GPR26: variants seen among roughly 807,000 people sequenced by gnomAD.
GPR26 encodes G protein-coupled receptor 26.
A neutral mutation model predicts 23.1 loss-of-function variants in GPR26; 15 were observed. The ratio of observed to expected loss-of-function variants is 0.65; its 90% CI spans 0.43 to 1.00. The LOEUF is 1.00. Among genes scored for constraint, GPR26 ranks in the 50% least tolerant of loss-of-function variants. The pLI is 0.00. For missense variants in GPR26, 359 were observed against 470.5 expected (o/e 0.76, Z 2.19); for synonymous variants, 228 against 222.1 (o/e 1.03, Z -0.24).
chr10:123,672,720 C>T (rs370434609), intron 1 of GPR26, among the ~76,000 whole-genome samples: 27 of 152,252 alleles, frequency 1.8e-4, no homozygotes, highest in East Asian at 1.4e-3. Flanking sequence ...CCTAGAGTGA[C>T]GAACCGTCCT....
intron 2 of GPR26, among the ~76,000 whole-genome samples, chr10:123,680,808 TTGTTTTG>T (rs1477799131): frequency 9.5e-5 from 6 of 63,460 alleles, no homozygotes; most frequent in Admixed American, 3.1e-4. Context: ...TGGGTTTTTT[TTGTTTTG>T]TTTTGTTTTT....
rs1589932218 is a variant in GPR26, at chr10:123,689,219, A to G, written c.*1059A>G. 3 of 151,810 alleles carry G rather than the reference A, an allele frequency of 2.0e-5. No homozygotes were observed. Among genetic ancestry groups the G allele is most frequent in the Admixed American group, 2.0e-4 (3 of 15,196 alleles). The allele number at this position is 151,810 out of a possible 1,614,324, so 9.4% of individuals were successfully genotyped here. ...AAGTAGAGGCTATTCAAGGTTATCA[A>G]GAAAGTGCCCTGTGCTAATGATGAG... On this transcript the variant is annotated 3_prime_UTR_variant, in exon 3 of 3. Transcript: ENST00000284674.
In GPR26 at chr10:123,688,626, C is replaced by G; in HGVS notation, c.*466C>G. ...CAGTGGTCATTTGGCCCGGATCTAA[C>G]ATGGCACCTCGTCTCCACAGGGTAG... On this transcript the variant is annotated 3_prime_UTR_variant, in exon 3 of 3. Transcript: ENST00000284674. The G allele has an allele frequency of 2.1e-5, 4 of 186,218 alleles. No homozygotes were observed. The highest frequency in any genetic ancestry group is 1.2e-4 in the South Asian group (1 of 8,266). The allele number at this position is 186,218 out of a possible 1,614,324, so 11.5% of individuals were successfully genotyped here.
At chr10:123,686,474 G>T (rs1845431412) in intron 2 of GPR26, among the ~76,000 whole-genome samples, 1 of 152,182 alleles carries the variant, frequency 6.6e-6, no homozygotes, top group Non-Finnish European at 1.5e-5. Flanking sequence ...GGTAGACAGT[G>T]GTGCTGAAAA....
intron 1 of GPR26, among the ~76,000 whole-genome samples, chr10:123,672,937 A>G (rs1262264422): frequency 6.6e-6 from 1 of 152,188 alleles, no homozygotes; most frequent in Non-Finnish European, 1.5e-5. Flanking sequence ...AATGGGGACC[A>G]TGATGATATC....
chr10:123,681,675 G>A (rs1008782454), intron 2 of GPR26, among the ~76,000 whole-genome samples: 3 of 152,312 alleles, frequency 2.0e-5, no homozygotes, highest in Middle Eastern at 3.4e-3. Flanking sequence ...CTGGCTGGGC[G>A]GGGGATTCCC....
chr10:123,674,257 C>T lies in GPR26; in HGVS notation c.669-561C>T, dbSNP rs112052775. Among the ~76,000 whole-genome samples the T allele has an allele frequency of 2.2e-4, 21 of 96,712 alleles. No individual in the cohort carries two copies. The highest frequency in any genetic ancestry group is 1.4e-3 in the East Asian group (3 of 2,210). The allele number at this position is 96,712 out of a possible 152,430, so 63.4% of individuals were successfully genotyped here. ...ACAGGTGTGAGCCACTGTGCCAGGC[C>T]GAGCTCATGGTTTTTCATTGTAAAC... is the stretch of plus-strand genomic sequence containing the variant. On this transcript the variant is annotated intron_variant, in intron 1 of 2. Transcript: ENST00000284674. The surrounding 1 kb of genome is among the most constrained non-coding windows in gnomAD (Gnocchi z 4.1).
Position 123,693,136 on chromosome 10 carries a change from T to C in GPR26, c.*4976T>C, listed in dbSNP as rs143496687. On this transcript the variant is annotated 3_prime_UTR_variant, in exon 3 of 3. Transcript: ENST00000284674. Reference sequence around the variant, plus strand: ...GTTGGGACCTCTCCCGTCATATGGCTGCCACTTGCTTGGGAAGGAATTCTC... The same window carrying C: ...GTTGGGACCTCTCCCGTCATATGGCCGCCACTTGCTTGGGAAGGAATTCTC... The C allele has an allele frequency of 6.6e-6, 1 of 152,354 alleles. No individual in the cohort carries two copies. Among genetic ancestry groups the C allele is most frequent in the Non-Finnish European group, 1.5e-5 (1 of 68,066 alleles). 9.4% of individuals were successfully genotyped at this position (152,354 alleles called of 1,614,324 possible).
intron 2 of GPR26, among the ~76,000 whole-genome samples, chr10:123,675,832 A>ATGTGTGTG (rs1564731113): frequency 2.2e-5 from 1 of 45,348 alleles, no homozygotes; most frequent in African/African-American, 8.7e-5. Context: ...GTGTGTGTGT[A>ATGTGTGTG]CGTGTGTGTG....
intron 2 of GPR26, among the ~76,000 whole-genome samples, chr10:123,686,796 G>A (rs970106845): frequency 1.3e-5 from 2 of 152,182 alleles, no homozygotes; most frequent in African/African-American, 2.4e-5. Flanking sequence ...TACAGGTGCT[G>A]CACCTTCCAT....
chr10:123,687,949 C>T lies in GPR26; in HGVS notation c.803C>T (p.Thr268Met), dbSNP rs372084986. Residue 268 changes from threonine to methionine, a missense_variant, in exon 3 of 3, where the codon ACG becomes ATG. Transcript: ENST00000284674. ...VITRLVELFS[T>M]VPIGSHWGVL... The stretch of plus-strand genomic sequence containing the variant: ...CACAGGCTAGTGGAGCTCTTCTCCA[C>T]GGTGCCCATCGGCTCCCACTGGGGG... 212 of 1,611,536 alleles carry T rather than the reference C, an allele frequency of 1.3e-4. No individual in the cohort carries two copies. Among genetic ancestry groups the T allele is most frequent in the Non-Finnish European group, 1.6e-4 (193 of 1,177,974 alleles).
intron 2 of GPR26, among the ~76,000 whole-genome samples, chr10:123,679,200 T>C (rs1417970221): frequency 6.6e-6 from 1 of 152,172 alleles, no homozygotes; most frequent in Non-Finnish European, 1.5e-5. Context: ...GCCATGGGTT[T>C]TGGAGGCAAA....
chr10:123,696,157 T>C lies in GPR26; in HGVS notation c.*7997T>C, dbSNP rs147452176. The stretch of plus-strand genomic sequence containing the variant: ...AGATCTCTCCTTCTGCCATAGTATG[T>C]CGTGTGTAGTGGATGCCAGTAGACA... On this transcript the variant is annotated 3_prime_UTR_variant, in exon 3 of 3. Transcript: ENST00000284674. Among the ~76,000 whole-genome samples the C allele has an allele frequency of 6.6e-6, 1 of 152,312 alleles. No individual in the cohort carries two copies. The highest frequency in any genetic ancestry group is 2.4e-5 in the African/African-American group (1 of 41,578).
rs1845286366 is a variant in GPR26, at chr10:123,674,653, G to A, written c.669-165G>A. On this transcript the variant is annotated intron_variant, in intron 1 of 2. Coordinates refer to ENST00000284674, the MANE Select transcript of GPR26 (RefSeq NM_153442.4). The surrounding 1 kb of genome is among the most constrained non-coding windows in gnomAD (Gnocchi z 4.1). Reference sequence around the variant, plus strand: ...CCTTGAGGCTTAGTAATGTCACACTGCTTGCCCAAGGTCAATAGCTACAGC... The same window carrying A: ...CCTTGAGGCTTAGTAATGTCACACTACTTGCCCAAGGTCAATAGCTACAGC... Among the ~76,000 whole-genome samples, 1 of 152,174 alleles carries A rather than the reference G, an allele frequency of 6.6e-6. No homozygotes were observed. The highest frequency in any genetic ancestry group is 1.5e-5 in the Non-Finnish European group (1 of 68,034).
intron 1 of GPR26, among the ~76,000 whole-genome samples, chr10:123,672,498 C>G (rs964187048): frequency 6.6e-6 from 1 of 152,022 alleles, no homozygotes. Context: ...CAGGGAGGGT[C>G]ACAGAGCCAG....
intron 2 of GPR26, among the ~76,000 whole-genome samples, chr10:123,684,272 G>A (rs1355598387): frequency 3.3e-5 from 5 of 152,150 alleles, no homozygotes; most frequent in East Asian, 1.9e-4. Flanking sequence ...GGCAAGGGGC[G>A]GCACCCTGTT....
chr10:123,678,835 T>G (rs977995646), intron 2 of GPR26, among the ~76,000 whole-genome samples: 2 of 152,120 alleles, frequency 1.3e-5, no homozygotes, highest in Non-Finnish European at 2.9e-5. Flanking sequence ...GGGCAGGGTG[T>G]GGAGGGGACA....
intron 2 of GPR26, among the ~76,000 whole-genome samples, chr10:123,683,960 G>T (rs1206831528): frequency 6.6e-6 from 1 of 152,148 alleles, no homozygotes; most frequent in African/African-American, 2.4e-5. Flanking sequence ...TAGGGGCTGG[G>T]CTCTTGTGTC....
chr10:123,672,813 G>A (rs372000961), intron 1 of GPR26, among the ~76,000 whole-genome samples: 2 of 152,234 alleles, frequency 1.3e-5, no homozygotes, highest in South Asian at 4.1e-4. Flanking sequence ...AACTGTTCAG[G>A]AACAGTCCCA....
Sources: allele counts gnomAD v4.1 joint callset (sites outside exome capture counted in the v4.1 genomes callset), GRCh38; gene constraint gnomAD v4.1.1; non-coding constraint Gnocchi (gnomAD v3.1); transcripts MANE v1.5; gene names NCBI Gene and HGNC (gene_info 2026-07-23, HGNC 2026-07-21).